NCOA7: variants seen among roughly 807,000 people sequenced by gnomAD.
NCOA7 encodes 140 kDa estrogen receptor-associated protein.
A neutral mutation model predicts 104.3 loss-of-function variants in NCOA7; 45 were observed. The observed-to-expected ratio is 0.43, with a 90% confidence interval of 0.34 to 0.55. The LOEUF (loss-of-function observed/expected upper bound fraction) is 0.55. NCOA7 is among the 20% of genes least tolerant of loss of function. The pLI is 0.02. For synonymous variants in NCOA7, 398 were observed against 402.3 expected (o/e 0.99, Z 0.13); for missense variants, 1,041 against 1,119.7 (o/e 0.93, Z 1.00).
chr6:125,875,492 C>G (rs1583436911), intron 4 of NCOA7: 1 of 152,326 alleles, frequency 6.6e-6, no homozygotes, highest in African/African-American at 2.4e-5. Context: ...TTTGGCTACT[C>G]AACATATCCA....
intron 3 of NCOA7, among the ~76,000 whole-genome samples, chr6:125,873,263 A>T (rs536673416): frequency 3.7e-4 from 56 of 152,230 alleles, no homozygotes; most frequent in African/African-American, 1.3e-3. Flanking sequence ...CTTGTCATTT[A>T]TCATTCATTC....
At chr6:125,811,481 T>G (rs553252142) in intron 1 of NCOA7, among the ~76,000 whole-genome samples, 5 of 152,212 alleles carry the variant, frequency 3.3e-5, no homozygotes, top group African/African-American at 1.2e-4. Context: ...AGGTGATATA[T>G]GAAATAAGCT....
chr6:125,888,324 C>T (rs947684472), intron 8 of NCOA7, among the ~76,000 whole-genome samples: 7 of 152,162 alleles, frequency 4.6e-5, no homozygotes, highest in African/African-American at 1.7e-4. Flanking sequence ...CGTATACCCA[C>T]AATAATAGTG....
At chr6:125,817,309 A>T (rs1777685155) in intron 2 of NCOA7, among the ~76,000 whole-genome samples, 1 of 152,230 alleles carries the variant, frequency 6.6e-6, no homozygotes, top group African/African-American at 2.4e-5. Flanking sequence ...GGGTCAAAAG[A>T]TAAGTGTATT....
intron 10 of NCOA7, among the ~76,000 whole-genome samples, chr6:125,895,704 A>G (rs918345396): frequency 2.0e-5 from 3 of 152,134 alleles, no homozygotes; most frequent in South Asian, 4.1e-4. Context: ...GGCAGAAGAC[A>G]AAGACAGTGC....
chr6:125,923,915 TAGC>T (rs1787799511), intron 13 of NCOA7, among the ~76,000 whole-genome samples: 1 of 152,238 alleles, frequency 6.6e-6, no homozygotes, highest in South Asian at 2.1e-4. Flanking sequence ...CTGTCTTTCT[TAGC>T]AGTGATCTTT....
chr6:125,789,787 TA>T (rs1774659983), upstream of NCOA7, among the ~76,000 whole-genome samples: 1 of 152,264 alleles, frequency 6.6e-6, no homozygotes, highest in South Asian at 2.1e-4. Context: ...TATTACAGCT[TA>T]AGCTGCGTCA....
At chr6:125,876,914 G>A (rs1783427412) in intron 4 of NCOA7, among the ~76,000 whole-genome samples, 1 of 151,984 alleles carries the variant, frequency 6.6e-6, no homozygotes, top group Non-Finnish European at 1.5e-5. Context: ...TGTATGTCTT[G>A]TCTTTAATAA....
chr6:125,845,146 C>T (rs960401514), intron 2 of NCOA7, among the ~76,000 whole-genome samples: 5 of 152,044 alleles, frequency 3.3e-5, no homozygotes, highest in African/African-American at 7.2e-5. Context: ...CAGAATTAGA[C>T]GACCAGGAAA....
intron 11 of NCOA7, among the ~76,000 whole-genome samples, chr6:125,920,368 A>G (rs185298783): frequency 5.8e-4 from 88 of 152,284 alleles, no homozygotes; most frequent in African/African-American, 2.0e-3. Context: ...TCATCACCGC[A>G]AACTCCCTAT....
chr6:125,928,232 A>G lies in NCOA7; in HGVS notation c.2678A>G (p.Glu893Gly). 1 of 1,612,100 alleles carries G rather than the reference A, an allele frequency of 6.2e-7. No individual in the cohort carries two copies. Among genetic ancestry groups the G allele is most frequent in the South Asian group, 1.1e-5 (1 of 90,452 alleles). The change falls in exon 15 of 16, where the codon GAA becomes GGA. Residue 893 changes from glutamate to glycine, a missense_variant. Glu to Gly is a moderately conservative substitution (Grantham distance 98). This residue lies in a region of NCOA7 where 127 missense variants were observed against 177.0 expected (regional missense o/e 0.72). Coordinates refer to ENST00000392477, the MANE Select transcript of NCOA7 (RefSeq NM_181782.5). The stretch of plus-strand genomic sequence containing the variant: ...ATCAATGGAGACATAAGTTCTTTAG[A>G]ACTTGGTGGTGGAGGGTAAGGTTTT... Reference protein sequence around the residue: ...YFINGDISSLELGGGGGRFGL... With the variant: ...YFINGDISSLGLGGGGGRFGL...
rs1216551440 is a variant in NCOA7, at chr6:125,929,972, T to A, written c.*1201T>A. On this transcript the variant is annotated 3_prime_UTR_variant, in exon 16 of 16. Coordinates refer to ENST00000392477, the MANE Select transcript of NCOA7 (RefSeq NM_181782.5). ...ATTCATTTATTTGAGAAAAAAACAA[T>A]ACAAAGAAATGCATTCATATCAAAA... 1 of 152,136 alleles carries A rather than the reference T, an allele frequency of 6.6e-6. No homozygotes were observed. The highest frequency in any genetic ancestry group is 6.6e-5 in the Admixed American group (1 of 15,266). 9.4% of individuals were successfully genotyped at this position (152,136 alleles called of 1,614,324 possible). A position where few individuals can be genotyped will look rare whatever the true frequency, so the allele number is the denominator to read the frequency against.
chr6:125,925,643 A>G (rs931189631), intron 13 of NCOA7, among the ~76,000 whole-genome samples: 1 of 152,226 alleles, frequency 6.6e-6, no homozygotes, highest in Non-Finnish European at 1.5e-5. Flanking sequence ...ATATATTACA[A>G]ATATAGCAAT....
upstream of NCOA7, among the ~76,000 whole-genome samples, chr6:125,786,645 G>C (rs1268074): frequency 0.57 from 84,921 of 148,578 alleles, 24,127 homozygotes; most frequent in East Asian, 0.75. Context: ...AGCGCGATCT[G>C]AGCGCAGCGC....
intron 2 of NCOA7, 34 bp downstream of exon 2, chr6:125,815,438 C>T: frequency 6.4e-7 from 1 of 1,567,806 alleles, no homozygotes; most frequent in Non-Finnish European, 8.7e-7. Flanking sequence ...GTTATCAGTA[C>T]TTTAAAGAAA....
chr6:125,869,331 C>A (rs533015970), intron 3 of NCOA7, among the ~76,000 whole-genome samples: 23 of 152,192 alleles, frequency 1.5e-4, no homozygotes, highest in African/African-American at 2.4e-4. Context: ...TCTTCCCCCC[C>A]ACCAGCATAC....
intron 4 of NCOA7, chr6:125,875,218 C>A: frequency 2.6e-6 from 1 of 386,934 alleles, no homozygotes; most frequent in Non-Finnish European, 4.9e-6. Flanking sequence ...TGACCACCAG[C>A]ATTGTTTAGG....
intron 6 of NCOA7, among the ~76,000 whole-genome samples, chr6:125,881,670 CAAAA>C (rs397887394): frequency 3.8e-4 from 34 of 90,492 alleles, no homozygotes; most frequent in African/African-American, 4.8e-4. Context: ...AACCCTATCT[CAAAA>C]AAAAAAAAAA....
intron 2 of NCOA7, among the ~76,000 whole-genome samples, chr6:125,817,827 G>A (rs974219055): frequency 1.3e-5 from 2 of 152,178 alleles, no homozygotes; most frequent in African/African-American, 4.8e-5. Context: ...TTGCCTAGCT[G>A]TATGTTCTGA....
Sources: allele counts gnomAD v4.1 joint callset (sites outside exome capture counted in the v4.1 genomes callset), GRCh38; gene constraint gnomAD v4.1.1; regional missense constraint gnomAD v4.1.1; transcripts MANE v1.5; gene names NCBI Gene and HGNC (gene_info 2026-07-23, HGNC 2026-07-21).